Variants in LBP observed in about 807,000 individuals in gnomAD.
LBP encodes lipopolysaccharide binding protein, also known as lipopolysaccharide-binding protein.
A neutral mutation model predicts 56.6 loss-of-function variants in LBP; 53 were observed. That is an observed-to-expected ratio of 0.94 (90% CI 0.75 to 1.18). The LOEUF (loss-of-function observed/expected upper bound fraction) is 1.18, where lower values mean the gene tolerates loss of function less well. Ranked by LOEUF, LBP falls within the 50% of genes most tolerant of loss-of-function variation. LBP has a pLI of 0.00. For synonymous variants in LBP, 227 were observed against 247.5 expected (o/e 0.92, Z 0.78); for missense variants, 601 against 598.3 (o/e 1.00, Z -0.05).
chr20:38,347,174 A>G (rs751729610), intron 1 of LBP, among the ~76,000 whole-genome samples: 5 of 152,202 alleles, frequency 3.3e-5, no homozygotes, highest in Non-Finnish European at 4.4e-5. Flanking sequence ...TTCCTGTATA[A>G]ACATTAAAAA....
chr20:38,359,259 A>G (rs2076851346), intron 5 of LBP, among the ~76,000 whole-genome samples: 1 of 151,102 alleles, frequency 6.6e-6, no homozygotes, highest in Non-Finnish European at 1.5e-5. Flanking sequence ...TTTCCAGAGT[A>G]TTTATCTTAG....
chr20:38,348,127 C>T (rs890580290), intron 1 of LBP, among the ~76,000 whole-genome samples: 6 of 152,302 alleles, frequency 3.9e-5, no homozygotes, highest in African/African-American at 1.4e-4. Flanking sequence ...TGCTGGTCAT[C>T]TGTGTACCCA....
At chr20:38,359,721 G>T (rs1333551204) in intron 5 of LBP, among the ~76,000 whole-genome samples, 1 of 152,236 alleles carries the variant, frequency 6.6e-6, no homozygotes, top group Non-Finnish European at 1.5e-5. Context: ...GTAGGGCCCA[G>T]TTGGACTTTT....
intron 8 of LBP, among the ~76,000 whole-genome samples, chr20:38,365,721 T>TAA (rs2076879403): frequency 1.7e-5 from 1 of 58,120 alleles, no homozygotes; most frequent in East Asian, 4.1e-4. Flanking sequence ...AAAAAAAATA[T>TAA]ATATATATAT....
intron 14 of LBP, among the ~76,000 whole-genome samples, chr20:38,376,235 G>GA (rs2083957713): frequency 6.6e-6 from 1 of 152,264 alleles, no homozygotes; most frequent in South Asian, 2.1e-4. Context: ...ATCACTGTGG[G>GA]AAAGAACTGA....
intron 13 of LBP, 136 bp downstream of exon 13, chr20:38,373,271 C>CTCT: frequency 1.4e-6 from 1 of 714,420 alleles, no homozygotes; most frequent in Non-Finnish European, 2.4e-6. Flanking sequence ...AGCTTAGTGA[C>CTCT]CTGCCTGTGA....
intron 3 of LBP, 49 bp from the exon 4 acceptor site, chr20:38,354,235 G>GCAGA (rs1568828087): frequency 6.5e-7 from 1 of 1,534,634 alleles, no homozygotes; most frequent in African/African-American, 1.4e-5. Context: ...ACAAATGGTG[G>GCAGA]CAGACCCCTG....
At chr20:38,363,457 G>T (rs1205341876) in intron 6 of LBP, among the ~76,000 whole-genome samples, 2 of 152,158 alleles carry the variant, frequency 1.3e-5, no homozygotes, top group African/African-American at 2.4e-5. Flanking sequence ...AAGCTCGGAG[G>T]GGGAGACCCT....
rs373640857 is a variant in LBP, at chr20:38,354,296, C to T, written c.381C>T (p.Gly127=). 1.4e-5 allele frequency: 23 copies of T among 1,612,976 alleles called. No individual in the cohort carries two copies. The highest frequency in any genetic ancestry group is 1.2e-4 in the Admixed American group (7 of 59,886). ...TTACCTCCTCCAGCAAACTACAGGG[C>T]TCCTTTGATGTCAGTGTCAAGGGCA... The part of the protein sequence containing the change: ...KVRKSFFKLQ[G]SFDVSVKGIS... Residue 127 remains glycine, a synonymous_variant, in exon 4 of 15, where the codon GGC becomes GGT. Coordinates refer to ENST00000217407, the MANE Select transcript of LBP (RefSeq NM_004139.5).
chr20:38,364,065 A>C lies in LBP; in HGVS notation c.743A>C (p.Lys248Thr), dbSNP rs1450973095. ...ATAQMLEVMFKGEIFHRNHRS... is the reference protein window; with the variant it reads ...ATAQMLEVMFTGEIFHRNHRS... Reference sequence around the variant, plus strand: ...GCCCAGATGCTGGAGGTGATGTTTAAGGTGAGGGTCCTGGGGCCGGGCTGC... The same window carrying C: ...GCCCAGATGCTGGAGGTGATGTTTACGGTGAGGGTCCTGGGGCCGGGCTGC... Residue 248 changes from lysine (K) to threonine (T), a missense_variant and splice_region_variant, in exon 7 of 15, where the codon AAG (lysine) becomes ACG (threonine). Physicochemically the swap from Lys to Thr is moderately conservative, Grantham distance 78. Transcript: ENST00000217407. 6.2e-7 allele frequency: 1 copy of C among 1,610,568 alleles called. No homozygotes were observed. The highest frequency in any genetic ancestry group is 1.7e-5 in the Admixed American group (1 of 60,012).
chr20:38,366,923 G>A, intron 9 of LBP, 95 bp downstream of exon 9: 1 of 1,165,234 alleles, frequency 8.6e-7, no homozygotes, highest in Non-Finnish European at 1.3e-6. Flanking sequence ...GCTTGACCAA[G>A]AGTGAGAAGG....
chr20:38,351,841 CA>C (rs1199651004), intron 3 of LBP, among the ~76,000 whole-genome samples: 1 of 151,558 alleles, frequency 6.6e-6, no homozygotes, highest in Non-Finnish European at 1.5e-5. Context: ...GCCAACATGG[CA>C]AAAATCAGTC....
At chr20:38,352,509 C>T (rs759160317) in intron 3 of LBP, among the ~76,000 whole-genome samples, 9 of 152,162 alleles carry the variant, frequency 5.9e-5, no homozygotes, top group Admixed American at 6.5e-5. Context: ...AATCCCAGCA[C>T]TTTGGGAGGC....
chr20:38,368,701 G>A (rs1219571862), intron 9 of LBP, among the ~76,000 whole-genome samples: 1 of 152,186 alleles, frequency 6.6e-6, no homozygotes, highest in Non-Finnish European at 1.5e-5. Context: ...GCTCACAGGA[G>A]GTGGTCATTA....
intron 1 of LBP, among the ~76,000 whole-genome samples, chr20:38,347,437 G>T (rs1281643199): frequency 1.3e-5 from 2 of 152,088 alleles, no homozygotes; most frequent in African/African-American, 4.8e-5. Flanking sequence ...CCAGCTACTT[G>T]GGAGGCTGAG....
intron 1 of LBP, 67 bp from the exon 2 acceptor site, chr20:38,349,481 C>T (rs756772434): frequency 9.8e-6 from 12 of 1,219,478 alleles, no homozygotes; most frequent in South Asian, 5.2e-5. Flanking sequence ...TGGGAGCCAC[C>T]GTAGGGTTTA....
intron 5 of LBP, among the ~76,000 whole-genome samples, chr20:38,355,796 G>A (rs2076836842): frequency 6.6e-6 from 1 of 152,096 alleles, no homozygotes; most frequent in East Asian, 1.9e-4. Context: ...CGAGGGCGTG[G>A]GCCAGGTGGG....
At chr20:38,371,464 A>C (rs1391038257) in intron 12 of LBP, 142 bp downstream of exon 12, 1 of 637,574 alleles carries the variant, frequency 1.6e-6, no homozygotes, top group African/African-American at 1.8e-5. Context: ...AAGGTCTCGA[A>C]AACACAAGAC....
intron 7 of LBP, 128 bp downstream of exon 7, chr20:38,364,194 C>G (rs868788657): frequency 1.5e-6 from 1 of 683,688 alleles, no homozygotes; most frequent in Admixed American, 2.3e-5. Context: ...TGTCAAGGGC[C>G]GGGTGATATG....
Sources: allele counts gnomAD v4.1 joint callset (sites outside exome capture counted in the v4.1 genomes callset), GRCh38; gene constraint gnomAD v4.1.1; transcripts MANE v1.5; gene names NCBI Gene and HGNC (gene_info 2026-07-23, HGNC 2026-07-21).